GRIP1: variants seen among roughly 807,000 people sequenced by gnomAD.
The protein encoded by GRIP1 is glutamate receptor interacting protein 1, also known as glutamate receptor-interacting protein 1.
Under a neutral mutation model 129.9 loss-of-function variants are expected in GRIP1, and 45 were observed. The ratio of observed to expected loss-of-function variants is 0.35; its 90% CI spans 0.27 to 0.44. GRIP1 has a LOEUF of 0.44. GRIP1 is among the 20% of genes least tolerant of loss of function. GRIP1 has a pLI of 1.00. For synonymous variants in GRIP1, 530 were observed against 520.8 expected, an observed-to-expected ratio of 1.02 and a Z score of -0.24; for missense variants, 1,196 against 1,396.8, an observed-to-expected ratio of 0.86 and a Z score of 2.29.
chr12:66,801,195 A>T (rs973892374), intron 1 of GRIP1, among the ~76,000 whole-genome samples: 5 of 152,074 alleles, frequency 3.3e-5, no homozygotes, highest in African/African-American at 9.7e-5. Flanking sequence ...TAAAAGACTA[A>T]AACCCAGAAA....
intron 4 of GRIP1, among the ~76,000 whole-genome samples, chr12:66,532,964 T>C (rs1380675126): frequency 6.6e-6 from 1 of 152,238 alleles, no homozygotes; most frequent in Admixed American, 6.5e-5. Context: ...TAGGGCAGAC[T>C]GTTTTTCATT....
chr12:66,423,356 AAT>A (rs1565723621), intron 14 of GRIP1, among the ~76,000 whole-genome samples: 1 of 152,190 alleles, frequency 6.6e-6, no homozygotes, highest in African/African-American at 2.4e-5. Context: ...GAATTACATA[AAT>A]GTTTATTGTT....
chr12:66,960,428 T>G (rs1032244907), intron 1 of GRIP1, among the ~76,000 whole-genome samples: 1 of 152,102 alleles, frequency 6.6e-6, no homozygotes, highest in South Asian at 2.1e-4. Context: ...TATTAAGACA[T>G]AGGAAACATC....
intron 23 of GRIP1, among the ~76,000 whole-genome samples, chr12:66,358,816 TAGTG>T (rs2054612527): frequency 6.6e-6 from 1 of 152,180 alleles, no homozygotes; most frequent in East Asian, 1.9e-4. Flanking sequence ...AGAGGAGAAA[TAGTG>T]AGAGAAGGGA....
In GRIP1 at chr12:67,033,459, T is replaced by C. The variant is rs950480844; in HGVS notation, c.58+35591A>G. The stretch of plus-strand genomic sequence containing the variant: ...ACCTACACAAGGAGTTCTCACAGTG[T>C]GTACAAAAACAAAGTAATGTTCATT... On this transcript the variant is annotated intron_variant, in intron 1 of 1. Coordinates refer to the GRIP1 transcript ENST00000643019. Among the ~76,000 whole-genome samples the C allele has an allele frequency of 5.3e-5, 8 of 152,130 alleles. No homozygotes were observed. The East Asian group carries it at 5.8e-4, about 11-fold the overall frequency.
intron 1 of GRIP1, among the ~76,000 whole-genome samples, chr12:66,637,607 A>G (rs924848251): frequency 1.3e-5 from 2 of 152,018 alleles, no homozygotes; most frequent in African/African-American, 4.8e-5. Context: ...ATAAACAGTT[A>G]AAGTAATTAA....
chr12:66,396,063 A>T (rs1209394544), intron 16 of GRIP1, among the ~76,000 whole-genome samples: 1 of 152,216 alleles, frequency 6.6e-6, no homozygotes, highest in African/African-American at 2.4e-5. Context: ...CTCATCATCA[A>T]CAATATCCTG....
chr12:66,959,887 A>G (rs1241692515), intron 1 of GRIP1, among the ~76,000 whole-genome samples: 2 of 152,166 alleles, frequency 1.3e-5, no homozygotes, highest in African/African-American at 4.8e-5. Context: ...CGATGTCACC[A>G]TCTTCATTAT....
intron 15 of GRIP1, among the ~76,000 whole-genome samples, chr12:66,420,415 GT>G (rs71096102): frequency 0.012 from 1,567 of 127,844 alleles, 21 homozygotes; most frequent in African/African-American, 0.04. Context: ...TACTTTCAGG[GT>G]TTTTTTTTTT....
At chr12:66,543,100 A>G (rs1391675441) in intron 2 of GRIP1, among the ~76,000 whole-genome samples, 4 of 152,330 alleles carry the variant, frequency 2.6e-5, no homozygotes, top group African/African-American at 9.6e-5. Context: ...AAAAAATGAA[A>G]TTACATTAGG....
intron 1 of GRIP1, among the ~76,000 whole-genome samples, chr12:66,903,223 T>C (rs2040871849): frequency 6.6e-6 from 1 of 152,100 alleles, no homozygotes; most frequent in Non-Finnish European, 1.5e-5. Context: ...TCCATAGTTA[T>C]TTATTTTGAC....
At chr12:67,069,328 GC>G (rs921635315), upstream of GRIP1, among the ~76,000 whole-genome samples, 15 of 137,580 alleles carry the variant, frequency 1.1e-4, no homozygotes, top group Admixed American at 3.5e-4. Flanking sequence ...GGCGGCGGCG[GC>G]GGCCGGGCCG....
rs999131558 is a variant in GRIP1, at chr12:66,708,744, T to C, written c.-419-78408A>G. Among the ~76,000 whole-genome samples the C allele has an allele frequency of 2.0e-5, 3 of 151,820 alleles. No homozygotes were observed. In the East Asian group the frequency reaches 5.8e-4, roughly 30 times the overall value. The stretch of plus-strand genomic sequence containing the variant: ...TGCAGTTTTGTTACATAGGTATACA[T>C]GTGCCATGGTGGTTTGCTGCACCCA... On this transcript the variant is annotated intron_variant, in intron 1 of 4. Transcript: ENST00000538373.
intron 1 of GRIP1, among the ~76,000 whole-genome samples, chr12:66,734,521 C>A (rs1366405513): frequency 6.6e-6 from 1 of 152,086 alleles, no homozygotes; most frequent in Non-Finnish European, 1.5e-5. Flanking sequence ...TTAAAATCAC[C>A]CCTCTGAACT....
At chr12:66,695,508 AATG>A (rs1412595045) in intron 1 of GRIP1, among the ~76,000 whole-genome samples, 3 of 152,152 alleles carry the variant, frequency 2.0e-5, no homozygotes, top group Admixed American at 6.5e-5. Flanking sequence ...GTCTACCACT[AATG>A]GGATTGATCC....
chr12:66,799,359 T>C (rs1241130258), intron 1 of GRIP1, among the ~76,000 whole-genome samples: 1 of 152,164 alleles, frequency 6.6e-6, no homozygotes, highest in Non-Finnish European at 1.5e-5. Flanking sequence ...TTCTTTATAA[T>C]TGATGTTTCT....
exon 1 of GRIP1, chr12:66,804,163 A>G (rs1432984899): frequency 1.1e-5 from 5 of 455,650 alleles, no homozygotes; most frequent in African/African-American, 4.0e-5. Flanking sequence ...TATCGCCTTG[A>G]CAAAACCCAG....
At chr12:66,809,268 T>G (rs1412233849) in intron 1 of GRIP1, among the ~76,000 whole-genome samples, 3 of 152,258 alleles carry the variant, frequency 2.0e-5, no homozygotes, top group Non-Finnish European at 4.4e-5. Flanking sequence ...ATCTTCAATT[T>G]ATAACCTTTC....
intron 1 of GRIP1, among the ~76,000 whole-genome samples, chr12:66,664,297 C>T (rs1010946299): frequency 6.6e-6 from 1 of 152,192 alleles, no homozygotes; most frequent in African/African-American, 2.4e-5. Context: ...ATTATGACAT[C>T]ATATTGTGCC....
Sources: gnomAD v4.1 joint callset for allele counts (sites outside exome capture counted in the v4.1 genomes callset) on GRCh38, gnomAD v4.1.1 for gene constraint, MANE v1.5 for transcripts, NCBI Gene and HGNC (gene_info 2026-07-23, HGNC 2026-07-21) for gene names.